Variants in NR2C2 observed in about 807,000 individuals in gnomAD.
NR2C2 encodes nuclear receptor subfamily 2 group C member 2, also known as Nuclear hormone receptor TR4.
NR2C2 carries 6 observed loss-of-function variants against 62.9 expected under a neutral mutation model. The ratio of observed to expected loss-of-function variants is 0.10; its 90% CI spans 0.05 to 0.19. The LOEUF (loss-of-function observed/expected upper bound fraction) is 0.19, where lower values mean the gene tolerates loss of function less well. Ranked by LOEUF, NR2C2 falls within the 10% of genes least tolerant of loss-of-function variation. NR2C2 has a pLI of 1.00. For missense variants in NR2C2, 479 were observed against 762.7 expected, an observed-to-expected ratio of 0.63 and a Z score of 4.38; for synonymous variants, 272 against 273.8, an observed-to-expected ratio of 0.99 and a Z score of 0.07.
intron 2 of NR2C2, among the ~76,000 whole-genome samples, chr3:15,008,861 G>A (rs1458583971): frequency 6.6e-6 from 1 of 152,154 alleles, no homozygotes; most frequent in African/African-American, 2.4e-5. Context: ...TGTCAGTAAC[G>A]TATTAAAAAA....
rs187793714 is a variant in NR2C2 at position 15,013,918 on chromosome 3, G to A, written c.273+129G>A. ...TCCTTGGGGACCTGCAAACATGGCAGGTTGCTGCTTTGGCCAAAGTAATAA... is the reference window on the plus strand; with the variant it reads ...TCCTTGGGGACCTGCAAACATGGCAAGTTGCTGCTTTGGCCAAAGTAATAA... On this transcript the variant is annotated intron_variant, in intron 3 of 13. Transcript: ENST00000425241. The A allele has an allele frequency of 7.0e-4, 666 of 955,342 alleles. 2 individuals are homozygous for A. In the African/African-American group the frequency reaches 9.9e-3, roughly 14 times the overall value. 59.2% of individuals were successfully genotyped at this position (955,342 alleles called of 1,614,324 possible). A position where few individuals can be genotyped will look rare whatever the true frequency, so the allele number is the denominator to read the frequency against.
intron 1 of NR2C2, among the ~76,000 whole-genome samples, chr3:15,002,186 C>T (rs922205900): frequency 2.6e-5 from 4 of 152,120 alleles, no homozygotes; most frequent in South Asian, 2.1e-4. Context: ...AGTCTTTTAC[C>T]GCTAAGTATA....
intron 13 of NR2C2, among the ~76,000 whole-genome samples, chr3:15,041,162 G>C (rs2042251814): frequency 6.6e-6 from 1 of 152,218 alleles, no homozygotes; most frequent in Non-Finnish European, 1.5e-5. Flanking sequence ...AAAGGGCCTA[G>C]AGTGTTTTAC....
intron 2 of NR2C2, among the ~76,000 whole-genome samples, chr3:15,005,824 T>G (rs1454125936): frequency 6.6e-6 from 1 of 152,088 alleles, no homozygotes; most frequent in African/African-American, 2.4e-5. Context: ...AAGGGTCTTG[T>G]TTTTTTACCC....
chr3:15,002,769 C>T (rs1202678038), intron 1 of NR2C2, among the ~76,000 whole-genome samples: 1 of 148,542 alleles, frequency 6.7e-6, no homozygotes, highest in Non-Finnish European at 1.5e-5. Context: ...AGCGATTCTC[C>T]TGCCTCAGCC....
At chr3:14,971,114 A>T (rs2040021624) in intron 1 of NR2C2, among the ~76,000 whole-genome samples, 1 of 152,056 alleles carries the variant, frequency 6.6e-6, no homozygotes, top group Admixed American at 6.5e-5. Flanking sequence ...TATTAAATGC[A>T]TTTTTTTATT....
intron 2 of NR2C2, among the ~76,000 whole-genome samples, chr3:15,004,251 A>G (rs558160352): frequency 6.6e-6 from 1 of 152,358 alleles, no homozygotes; most frequent in East Asian, 1.9e-4. Flanking sequence ...GAGAGGCAGT[A>G]TGTCTTAGTA....
chr3:15,030,794 C>G (rs2041961238), intron 9 of NR2C2, among the ~76,000 whole-genome samples: 2 of 152,154 alleles, frequency 1.3e-5, no homozygotes, highest in Admixed American at 6.5e-5. Flanking sequence ...TGCCACTGCA[C>G]TCCAGCCTGG....
intron 2 of NR2C2, among the ~76,000 whole-genome samples, chr3:15,009,360 T>C (rs1055516155): frequency 2.0e-5 from 3 of 152,206 alleles, no homozygotes; most frequent in Admixed American, 2.0e-4. Context: ...ACCAGATGGA[T>C]TGAATGTGAC....
intron 1 of NR2C2, among the ~76,000 whole-genome samples, chr3:14,983,462 TACACACACACACAC>T (rs34788861): frequency 3.4e-5 from 5 of 146,776 alleles, no homozygotes; most frequent in Non-Finnish European, 7.5e-5. Context: ...ATACTCTTTA[TACACACACACACAC>T]ACACACACAC....
chr3:14,954,092 G>C (rs2039451426), intron 1 of NR2C2, among the ~76,000 whole-genome samples: 1 of 152,056 alleles, frequency 6.6e-6, no homozygotes, highest in Admixed American at 6.5e-5. Context: ...TGTCTGTAAT[G>C]ATGCATCTTT....
At chr3:14,968,991 TG>T (rs1157375661) in intron 1 of NR2C2, among the ~76,000 whole-genome samples, 1 of 82,766 alleles carries the variant, frequency 1.2e-5, no homozygotes, top group Non-Finnish European at 2.3e-5. Flanking sequence ...TGTTGTGGGG[TG>T]GGGGGAGGGG....
chr3:14,983,092 C>G (rs1436004516), intron 1 of NR2C2, among the ~76,000 whole-genome samples: 1 of 152,154 alleles, frequency 6.6e-6, no homozygotes, highest in Non-Finnish European at 1.5e-5. Flanking sequence ...CTCAAGCATT[C>G]ATCATTTCTT....
intron 1 of NR2C2, among the ~76,000 whole-genome samples, chr3:15,001,299 T>C (rs528703081): frequency 6.6e-6 from 1 of 151,218 alleles, no homozygotes; most frequent in South Asian, 2.1e-4. Flanking sequence ...TACAATTGAT[T>C]ATTGTGTTTT....
intron 1 of NR2C2, chr3:14,962,541 A>G (rs62241828): frequency 0.09 from 13,698 of 152,622 alleles, 673 homozygotes; most frequent in African/African-American, 0.12. Context: ...CTTTCGAAAG[A>G]AAAGAAAAAT....
chr3:15,004,953 A>G (rs1223811934), intron 2 of NR2C2, among the ~76,000 whole-genome samples: 6 of 151,792 alleles, frequency 4.0e-5, no homozygotes, highest in Non-Finnish European at 5.9e-5. Flanking sequence ...GAGTCTTGCT[A>G]TGTTGCCCAG....
chr3:14,979,020 T>C (rs1574954202), intron 1 of NR2C2, among the ~76,000 whole-genome samples: 1 of 152,276 alleles, frequency 6.6e-6, no homozygotes, highest in East Asian at 1.9e-4. Context: ...TGCTTCTCAT[T>C]AATATCCCCC....
intron 1 of NR2C2, among the ~76,000 whole-genome samples, chr3:14,958,054 C>T (rs1319479010): frequency 6.6e-6 from 1 of 152,184 alleles, no homozygotes; most frequent in African/African-American, 2.4e-5. Context: ...CCTTCAAGAC[C>T]TAGTTTAAAT....
intron 1 of NR2C2, among the ~76,000 whole-genome samples, chr3:14,969,292 C>G (rs928156178): frequency 1.9e-4 from 27 of 141,628 alleles, no homozygotes; most frequent in African/African-American, 7.2e-4. Flanking sequence ...GTCACCCAGG[C>G]TGGAGTGCAG....
Sources: allele counts gnomAD v4.1 joint callset (sites outside exome capture counted in the v4.1 genomes callset), GRCh38; gene constraint gnomAD v4.1.1; transcripts MANE v1.5; gene names NCBI Gene and HGNC (gene_info 2026-07-23, HGNC 2026-07-21).